DLGAP2: variants seen among roughly 807,000 people sequenced by gnomAD.
DLGAP2 encodes disks large-associated protein 2.
A neutral mutation model predicts 100.3 loss-of-function variants in DLGAP2; 26 were observed. The observed-to-expected ratio is 0.26, with a 90% CI of 0.19 to 0.36. The LOEUF is 0.36. Among genes scored for constraint, DLGAP2 ranks in the 10% least tolerant of loss-of-function variants. DLGAP2 has a pLI of 1.00. For synonymous variants in DLGAP2, 886 were observed against 630.1 expected (o/e 1.41, Z -6.08); for missense variants, 1,858 against 1,453.2 (o/e 1.28, Z -4.53).
chr8:1,242,469 C>G (rs1359408646), intron 2 of DLGAP2, among the ~76,000 whole-genome samples: 2 of 152,224 alleles, frequency 1.3e-5, no homozygotes, highest in Admixed American at 6.5e-5. Context: ...TCACTTGTTT[C>G]TTATGAAATG....
At chr8:920,450 C>G (rs1012327723) in intron 2 of DLGAP2, among the ~76,000 whole-genome samples, 2 of 152,214 alleles carry the variant, frequency 1.3e-5, no homozygotes, top group African/African-American at 2.4e-5. Context: ...TGCATAATAA[C>G]AATAAGCAAA....
At chr8:890,728 C>T (rs1055170239) in intron 1 of DLGAP2, among the ~76,000 whole-genome samples, 1 of 152,124 alleles carries the variant, frequency 6.6e-6, no homozygotes, top group African/African-American at 2.4e-5. Flanking sequence ...ATCACAGATC[C>T]CCTTGGCAGA....
chr8:1,024,131 A>G (rs1350501980), intron 2 of DLGAP2, among the ~76,000 whole-genome samples: 1 of 150,798 alleles, frequency 6.6e-6, no homozygotes, highest in Non-Finnish European at 1.5e-5. Flanking sequence ...AGGAGTGGAC[A>G]GTCCCATGCC....
chr8:969,347 C>T (rs983793415), intron 2 of DLGAP2, among the ~76,000 whole-genome samples: 1 of 152,166 alleles, frequency 6.6e-6, no homozygotes, highest in Non-Finnish European at 1.5e-5. Flanking sequence ...TCGTCACCCT[C>T]CATGCGCGAG....
rs142036828 is a variant in DLGAP2, at chr8:906,766, C to T, written c.19-1146C>T. Among the ~76,000 whole-genome samples, 869 of 152,302 alleles carry T rather than the reference C, an allele frequency of 5.7e-3. 2 individuals carry two copies. Among genetic ancestry groups the T allele is most frequent in the Middle Eastern group, 0.02 (6 of 294 alleles). ...CCTCAGCCACACAGGCAGCTCTGTGCACATGAGAAGCATGTGATTGAACTT... is the reference window on the plus strand; with the variant it reads ...CCTCAGCCACACAGGCAGCTCTGTGTACATGAGAAGCATGTGATTGAACTT... On this transcript the variant is annotated intron_variant, in intron 1 of 14. Transcript: ENST00000637795.
At chr8:1,411,781 T>A (rs1359091937) in intron 3 of DLGAP2, among the ~76,000 whole-genome samples, 1 of 152,228 alleles carries the variant, frequency 6.6e-6, no homozygotes, top group African/African-American at 2.4e-5. Context: ...CTTGAATTTA[T>A]GGAAAGCTGC....
At chr8:1,638,233 G>C (rs910821725) in intron 8 of DLGAP2, among the ~76,000 whole-genome samples, 1 of 152,264 alleles carries the variant, frequency 6.6e-6, no homozygotes, top group African/African-American at 2.4e-5. Context: ...GAATGTGACT[G>C]CGTTTCAGAC....
chr8:1,163,245 G>A (rs996200502), intron 2 of DLGAP2, among the ~76,000 whole-genome samples: 2 of 152,176 alleles, frequency 1.3e-5, no homozygotes, highest in South Asian at 2.1e-4. Flanking sequence ...CCTCCCAATC[G>A]CCTCCCTCTG....
chr8:1,476,637 C>T (rs935960170), intron 3 of DLGAP2, among the ~76,000 whole-genome samples: 1 of 152,200 alleles, frequency 6.6e-6, no homozygotes, highest in African/African-American at 2.4e-5. Context: ...CTCCTGGAGC[C>T]GGACCCACCC....
At chr8:824,670 G>T (rs369124441) in intron 1 of DLGAP2, among the ~76,000 whole-genome samples, 1 of 152,020 alleles carries the variant, frequency 6.6e-6, no homozygotes, top group African/African-American at 2.4e-5. Context: ...GTTCACTGGG[G>T]TCACTGCCAT....
At chr8:1,136,698 T>C (rs565392585) in intron 2 of DLGAP2, among the ~76,000 whole-genome samples, 2 of 152,270 alleles carry the variant, frequency 1.3e-5, no homozygotes, top group Non-Finnish European at 2.9e-5. Context: ...GCTTCGTGCC[T>C]GAAGAGAGTG....
chr8:795,128 G>A (rs139349755), intron 1 of DLGAP2, among the ~76,000 whole-genome samples: 1 of 152,186 alleles, frequency 6.6e-6, no homozygotes, highest in Non-Finnish European at 1.5e-5. Flanking sequence ...GTGGGTTTTC[G>A]TTATTAACAG....
rs142513347 is a variant in DLGAP2 at position 1,376,097 on chromosome 8, C to T, written c.106+117214C>T. 7.1e-3 allele frequency among the ~76,000 whole-genome samples: 910 copies of T among 127,848 alleles called. 2 individuals carry two copies. Among genetic ancestry groups the T allele is most frequent in the Non-Finnish European group, 0.012 (643 of 55,074 alleles). The allele number at this position is 127,848 out of a possible 152,430, so 83.9% of individuals were successfully genotyped here. A position where few individuals can be genotyped will look rare whatever the true frequency, so the allele number is the denominator to read the frequency against. On this transcript the variant is annotated intron_variant, in intron 3 of 14. Coordinates refer to ENST00000637795, the MANE Select transcript of DLGAP2 (RefSeq NM_001346810.2). ...CCCCCACCTCCTACATTTGGGTTAA[C>T]GACACCTCTCCACGACCTCAGAACT...
intron 2 of DLGAP2, among the ~76,000 whole-genome samples, chr8:1,098,654 C>T (rs1196993685): frequency 1.5e-3 from 155 of 100,330 alleles, no homozygotes; most frequent in Middle Eastern, 6.3e-3. Flanking sequence ...CCACGGACGC[C>T]GCCACCCACG....
chr8:1,536,195 C>G (rs1287774455), intron 4 of DLGAP2, among the ~76,000 whole-genome samples: 19 of 152,138 alleles, frequency 1.2e-4, no homozygotes, highest in Non-Finnish European at 2.1e-4. Context: ...CACCGTGGTT[C>G]TGGCTGGAAC....
At chr8:1,675,094 G>C (rs1319091996) in intron 10 of DLGAP2, among the ~76,000 whole-genome samples, 1 of 152,184 alleles carries the variant, frequency 6.6e-6, no homozygotes, top group African/African-American at 2.4e-5. Context: ...ACGCATCCCA[G>C]TCTAGGGTCA....
chr8:900,089 T>C (rs1222178319), intron 1 of DLGAP2, among the ~76,000 whole-genome samples: 2 of 152,204 alleles, frequency 1.3e-5, no homozygotes, highest in Non-Finnish European at 2.9e-5. Flanking sequence ...CAGAGGGCAC[T>C]GGGTGGATGG....
At chr8:784,921 G>A (rs578135321) in intron 1 of DLGAP2, among the ~76,000 whole-genome samples, 13 of 152,112 alleles carry the variant, frequency 8.5e-5, no homozygotes, top group Non-Finnish European at 1.2e-4. Flanking sequence ...AAAAGGGCAC[G>A]TCCTGGCTGG....
At chr8:1,341,585 C>T (rs1021398297) in intron 3 of DLGAP2, among the ~76,000 whole-genome samples, 3 of 152,174 alleles carry the variant, frequency 2.0e-5, no homozygotes, top group Admixed American at 1.3e-4. Flanking sequence ...TGGCTGACCC[C>T]GTACAAAAGT....
Sources: allele counts gnomAD v4.1 joint callset (sites outside exome capture counted in the v4.1 genomes callset), GRCh38; gene constraint gnomAD v4.1.1; transcripts MANE v1.5; gene names NCBI Gene and HGNC (gene_info 2026-07-23, HGNC 2026-07-21).